The following SLC1A2 variants were observed in gnomAD, a reference collection of about 807,000 sequenced individuals.
SLC1A2 encodes excitatory amino acid transporter 2.
A neutral mutation model predicts 48.8 loss-of-function variants in SLC1A2; 15 were observed. The ratio of observed to expected loss-of-function variants is 0.31; its 90% CI spans 0.21 to 0.47. The LOEUF (loss-of-function observed/expected upper bound fraction) is 0.47. Among genes scored for constraint, SLC1A2 ranks in the 20% least tolerant of loss-of-function variants. The probability of loss-of-function intolerance (pLI) is 0.99; values close to 1 mark genes in which losing one functional copy is unlikely to be tolerated. For synonymous variants in SLC1A2, 279 were observed against 272.6 expected (o/e 1.02, Z -0.23); for missense variants, 502 against 730.5 (o/e 0.69, Z 3.61).
intron 1 of SLC1A2, among the ~76,000 whole-genome samples, chr11:35,333,191 T>A (rs1046273580): frequency 2.0e-5 from 3 of 152,090 alleles, no homozygotes; most frequent in African/African-American, 7.2e-5. Flanking sequence ...GGTGGGTGGA[T>A]CATCTGAGGT....
In SLC1A2 at chr11:35,272,180, G is replaced by C. The variant is rs541201176; in HGVS notation, c.1422-6422C>G. ...AAGAGGGAATAATTGATGAAGTTAG[G>C]TTCCTAGAGAGATCAGAGAGGATGG... On this transcript the variant is annotated intron_variant, in intron 9 of 10. Transcript: ENST00000278379. Among the ~76,000 whole-genome samples the C allele has an allele frequency of 5.3e-5, 8 of 152,314 alleles. No individual in the cohort carries two copies. In the South Asian group the frequency reaches 1.7e-3, roughly 32 times the overall value.
At position 35,265,554 on chromosome 11, in the gene SLC1A2, G is replaced by T. The variant is rs1950467771; in HGVS notation, c.1626C>A (p.His542Gln). Residue 542 changes from histidine to glutamine, a missense_variant, in exon 10 of 11, where the codon CAC becomes CAA. His to Gln is a conservative substitution (Grantham distance 24). Coordinates refer to ENST00000278379, the MANE Select transcript of SLC1A2 (RefSeq NM_004171.4). ...TGCATTCATCTACTATGACAGAGTT[G>T]TGTGCAGCATAGACACATTGATTAG... ...SNSNQCVYAA[H>Q]NSVIVDECKV... 1 of 1,597,426 alleles carries T rather than the reference G, an allele frequency of 6.3e-7. No individual in the cohort carries two copies. Among genetic ancestry groups the T allele is most frequent in the Admixed American group, 1.7e-5 (1 of 59,960 alleles).
intron 1 of SLC1A2, among the ~76,000 whole-genome samples, chr11:35,343,433 C>G (rs928018089): frequency 5.3e-5 from 8 of 152,166 alleles, no homozygotes; most frequent in Non-Finnish European, 1.2e-4. Context: ...TTTCCAGGAA[C>G]CTTCATGAAT....
chr11:35,329,723 A>C (rs1283358448), intron 1 of SLC1A2, among the ~76,000 whole-genome samples: 1 of 152,172 alleles, frequency 6.6e-6, no homozygotes, highest in Non-Finnish European at 1.5e-5. Flanking sequence ...GTTGCAGTGC[A>C]GGGCAGCTTA....
intron 4 of SLC1A2, chr11:35,307,424 C>T (rs879045846): frequency 7.2e-5 from 11 of 152,234 alleles, no homozygotes; most frequent in Admixed American, 7.2e-4. Flanking sequence ...CGCTATTCCT[C>T]GACATCCATG....
chr11:35,331,537 G>C (rs926360952), intron 1 of SLC1A2, among the ~76,000 whole-genome samples: 1 of 152,190 alleles, frequency 6.6e-6, no homozygotes, highest in Non-Finnish European at 1.5e-5. Flanking sequence ...TTCTCACCAG[G>C]AGAATTTCTT....
intron 9 of SLC1A2, among the ~76,000 whole-genome samples, chr11:35,269,765 A>T (rs556264935): frequency 6.6e-6 from 1 of 152,196 alleles, no homozygotes; most frequent in African/African-American, 2.4e-5. Flanking sequence ...AACTCTGGCC[A>T]ATGAAATAGC....
Position 35,389,139 on chromosome 11 carries a change from G to GA in SLC1A2, c.17+29810dup, listed in dbSNP as rs142796044. Among the ~76,000 whole-genome samples the GA allele has an allele frequency of 4.6e-5, 7 of 151,574 alleles. No homozygotes were observed. In the East Asian group the frequency reaches 7.7e-4, roughly 17 times the overall value. On this transcript the variant is annotated intron_variant, in intron 1 of 10. Coordinates refer to ENST00000278379, the MANE Select transcript of SLC1A2 (RefSeq NM_004171.4). ...ATATGTAGATGACCAAAAACTGAGG[G>GA]AAAAAAAATATTTGTGGAAGAGTCA...
intron 10 of SLC1A2, among the ~76,000 whole-genome samples, chr11:35,263,142 TA>T (rs1470155221): frequency 1.3e-5 from 2 of 152,176 alleles, no homozygotes; most frequent in African/African-American, 4.8e-5. Context: ...CACATTTCCT[TA>T]TAGGGCTTGA....
intron 4 of SLC1A2, among the ~76,000 whole-genome samples, chr11:35,311,883 AGAGAGAGAGGGAGG>A (rs1388543624): frequency 6.4e-5 from 4 of 62,566 alleles, no homozygotes; most frequent in African/African-American, 9.9e-5. Flanking sequence ...AGAGAGAGAG[AGAGAGAGAGGGAGG>A]GAGAGAGAGA....
intron 1 of SLC1A2, among the ~76,000 whole-genome samples, chr11:35,344,611 C>T (rs1852962020): frequency 6.6e-6 from 1 of 152,174 alleles, no homozygotes; most frequent in Admixed American, 6.5e-5. Context: ...TTGTTCTACT[C>T]CAACCAGTTG....
At chr11:35,400,436 T>C (rs550486021) in intron 1 of SLC1A2, among the ~76,000 whole-genome samples, 1 of 152,340 alleles carries the variant, frequency 6.6e-6, no homozygotes, top group South Asian at 2.1e-4. Flanking sequence ...AAAAATGTAT[T>C]GACATGTGTA....
At chr11:35,363,915 G>A (rs1853762656) in intron 1 of SLC1A2, among the ~76,000 whole-genome samples, 1 of 152,178 alleles carries the variant, frequency 6.6e-6, no homozygotes, top group African/African-American at 2.4e-5. Flanking sequence ...GGCTAGGTCT[G>A]TACCTGCACT....
At chr11:35,274,209 C>T (rs1378490036) in intron 9 of SLC1A2, among the ~76,000 whole-genome samples, 1 of 152,188 alleles carries the variant, frequency 6.6e-6, no homozygotes, top group Non-Finnish European at 1.5e-5. Context: ...CTCTTTTGAA[C>T]TTTGTCCTTC....
intron 2 of SLC1A2, 86 bp downstream of exon 2, chr11:35,317,291 G>C: frequency 6.9e-7 from 1 of 1,454,744 alleles, no homozygotes; most frequent in Non-Finnish European, 9.4e-7. Context: ...CTGGTGGAAG[G>C]GCTGGCTGCT....
intron 9 of SLC1A2, among the ~76,000 whole-genome samples, chr11:35,273,332 T>C (rs1850337948): frequency 6.6e-6 from 1 of 152,282 alleles, no homozygotes; most frequent in East Asian, 1.9e-4. Flanking sequence ...CACGTAAGCA[T>C]TGGCTAAGAG....
At chr11:35,347,211 C>T (rs558897716) in intron 1 of SLC1A2, among the ~76,000 whole-genome samples, 1 of 152,272 alleles carries the variant, frequency 6.6e-6, no homozygotes, top group East Asian at 1.9e-4. Flanking sequence ...AAAAGTCAGA[C>T]AGAAAGGAGC....
intron 4 of SLC1A2, 187 bp downstream of exon 4, chr11:35,312,011 T>A (rs2134868832): frequency 6.1e-4 from 212 of 347,284 alleles, no homozygotes; most frequent in South Asian, 2.5e-3. Context: ...TTTAAAAAAA[T>A]TAAAACCAGG....
chr11:35,381,435 G>A (rs1188438126), intron 1 of SLC1A2, among the ~76,000 whole-genome samples: 1 of 152,050 alleles, frequency 6.6e-6, no homozygotes, highest in African/African-American at 2.4e-5. Flanking sequence ...CAAAAGATGG[G>A]GAGAGTAGCA....
Sources: allele counts gnomAD v4.1 joint callset (sites outside exome capture counted in the v4.1 genomes callset), GRCh38; gene constraint gnomAD v4.1.1; transcripts MANE v1.5; gene names NCBI Gene and HGNC (gene_info 2026-07-23, HGNC 2026-07-21).